DYNC1I1: variants seen among roughly 807,000 people sequenced by gnomAD.
DYNC1I1 encodes dynein cytoplasmic 1 intermediate chain 1.
Under a neutral mutation model 86.6 loss-of-function variants are expected in DYNC1I1, and 43 were observed. The ratio of observed to expected loss-of-function variants is 0.50; its 90% CI spans 0.39 to 0.64. The LOEUF is 0.64. Ranked by LOEUF, DYNC1I1 falls within the 30% of genes least tolerant of loss-of-function variation. The pLI, the probability that DYNC1I1 is intolerant of heterozygous loss-of-function variation, is 0.00. For missense variants in DYNC1I1, 604 were observed against 788.8 expected (o/e 0.77, Z 2.81); for synonymous variants, 262 against 283.7 (o/e 0.92, Z 0.77).
At chr7:96,088,207 T>C (rs1458038134) in intron 16 of DYNC1I1, among the ~76,000 whole-genome samples, 1 of 152,170 alleles carries the variant, frequency 6.6e-6, no homozygotes, top group Non-Finnish European at 1.5e-5. Flanking sequence ...GCAAATGTTT[T>C]TTCTGAATTG....
chr7:95,787,852 G>T (rs1434060533), intron 1 of DYNC1I1, among the ~76,000 whole-genome samples: 1 of 152,154 alleles, frequency 6.6e-6, no homozygotes, highest in Non-Finnish European at 1.5e-5. Context: ...AAATAGAATG[G>T]TCAAGTAAGA....
chr7:95,923,294 A>G (rs1334879143), intron 6 of DYNC1I1, among the ~76,000 whole-genome samples: 1 of 152,138 alleles, frequency 6.6e-6, no homozygotes, highest in Non-Finnish European at 1.5e-5. Context: ...GACTTATTCA[A>G]TGTGAAAACC....
intron 6 of DYNC1I1, among the ~76,000 whole-genome samples, chr7:95,928,030 C>T (rs1285027708): frequency 6.6e-6 from 1 of 152,226 alleles, no homozygotes; most frequent in East Asian, 1.9e-4. Flanking sequence ...CTGCCAGCCA[C>T]ACTTGGCCTG....
chr7:95,859,626 G>A (rs1315953348), intron 5 of DYNC1I1, among the ~76,000 whole-genome samples: 2 of 152,198 alleles, frequency 1.3e-5, no homozygotes, highest in Non-Finnish European at 1.5e-5. Flanking sequence ...AAGCCTGCCT[G>A]CCACTGAGAG....
At chr7:95,982,508 A>G (rs1334841634) in intron 7 of DYNC1I1, among the ~76,000 whole-genome samples, 8 of 152,194 alleles carry the variant, frequency 5.3e-5, no homozygotes, top group Admixed American at 5.2e-4. Context: ...GAAAAAAATT[A>G]CAGAAAATTA....
At chr7:95,995,858 G>T (rs1013649045) in intron 9 of DYNC1I1, 90 bp from the exon 10 acceptor site, 1 of 1,498,936 alleles carries the variant, frequency 6.7e-7, no homozygotes, top group African/African-American at 1.4e-5. Context: ...CATTTACACT[G>T]TGTAGTATAC....
At chr7:96,067,657 C>T (rs1790034878) in intron 14 of DYNC1I1, among the ~76,000 whole-genome samples, 1 of 152,124 alleles carries the variant, frequency 6.6e-6, no homozygotes, top group Non-Finnish European at 1.5e-5. Flanking sequence ...AATATTTATG[C>T]AGACGTGTGA....
chr7:96,017,990 A>T (rs975938527), intron 10 of DYNC1I1, among the ~76,000 whole-genome samples: 1 of 152,160 alleles, frequency 6.6e-6, no homozygotes, highest in Non-Finnish European at 1.5e-5. Context: ...CCTCATAGTA[A>T]ATATCACCAC....
chr7:95,981,886 G>A (rs2115666354), intron 7 of DYNC1I1, among the ~76,000 whole-genome samples: 1 of 152,260 alleles, frequency 6.6e-6, no homozygotes, highest in Non-Finnish European at 1.5e-5. Flanking sequence ...ATAGGGAAAA[G>A]CTGTAGAAAC....
intron 6 of DYNC1I1, among the ~76,000 whole-genome samples, chr7:95,943,945 A>G (rs1178689599): frequency 6.6e-6 from 1 of 152,146 alleles, no homozygotes; most frequent in Non-Finnish European, 1.5e-5. Flanking sequence ...AGGCATTAAC[A>G]TTCAGGACAT....
At chr7:95,793,563 C>A (rs1321891598) in intron 1 of DYNC1I1, among the ~76,000 whole-genome samples, 1 of 152,082 alleles carries the variant, frequency 6.6e-6, no homozygotes, top group African/African-American at 2.4e-5. Flanking sequence ...AGAGCAACAG[C>A]AGTTTAGAAT....
chr7:95,998,523 C>A (rs985909176), intron 10 of DYNC1I1, among the ~76,000 whole-genome samples: 8 of 152,066 alleles, frequency 5.3e-5, no homozygotes, highest in Non-Finnish European at 1.2e-4. Flanking sequence ...CCTATCTGAT[C>A]TTTGCTAAAT....
intron 10 of DYNC1I1, among the ~76,000 whole-genome samples, chr7:96,001,999 C>T (rs1197312036): frequency 1.3e-5 from 2 of 152,136 alleles, no homozygotes; most frequent in Non-Finnish European, 2.9e-5. Context: ...TTTTATTTTT[C>T]TTGCTAGGAT....
intron 7 of DYNC1I1, 149 bp downstream of exon 7, chr7:95,977,750 G>A (rs1793346066): frequency 5.0e-6 from 3 of 605,654 alleles, no homozygotes; most frequent in African/African-American, 1.9e-5. Context: ...ATTACATTTA[G>A]CAACATAAAC....
intron 10 of DYNC1I1, among the ~76,000 whole-genome samples, chr7:96,005,734 G>A (rs1301978059): frequency 1.3e-5 from 2 of 152,164 alleles, no homozygotes; most frequent in African/African-American, 4.8e-5. Context: ...ATTGCCACTG[G>A]AAGAACGCTC....
chr7:96,005,943 T>C (rs1011870171), intron 10 of DYNC1I1, among the ~76,000 whole-genome samples: 6 of 152,178 alleles, frequency 3.9e-5, no homozygotes, highest in Non-Finnish European at 8.8e-5. Flanking sequence ...GAACTGTAGC[T>C]TTTAATGGCT....
intron 10 of DYNC1I1, among the ~76,000 whole-genome samples, chr7:96,011,576 C>A (rs562433604): frequency 9.7e-4 from 148 of 152,266 alleles, no homozygotes; most frequent in Non-Finnish European, 1.4e-3. Context: ...CAAGCCCACA[C>A]AGAAATATTC....
In DYNC1I1 at chr7:96,004,223, G is replaced by A. The variant is rs57972857; in HGVS notation, c.969+8150G>A. 1.7e-3 allele frequency among the ~76,000 whole-genome samples: 261 copies of A among 152,130 alleles called. 1 individual carries two copies. Among genetic ancestry groups the A allele is most frequent in the African/African-American group, 6.0e-3 (250 of 41,500 alleles). Reference sequence around the variant, plus strand: ...TATATCCGATTGTTTACTTTTAAATGGTATGTTCATTATTTGCCAAAGACT... The same window carrying A: ...TATATCCGATTGTTTACTTTTAAATAGTATGTTCATTATTTGCCAAAGACT... On this transcript the variant is annotated intron_variant, in intron 10 of 16. Coordinates refer to ENST00000447467, the MANE Select transcript of DYNC1I1 (RefSeq NM_001135556.2).
At chr7:95,907,567 C>T (rs1042395851) in intron 6 of DYNC1I1, among the ~76,000 whole-genome samples, 1 of 152,030 alleles carries the variant, frequency 6.6e-6, no homozygotes, top group Non-Finnish European at 1.5e-5. Flanking sequence ...AGTGACATTC[C>T]CTCTGCTGTT....
Sources: allele counts gnomAD v4.1 joint callset (sites outside exome capture counted in the v4.1 genomes callset), GRCh38; gene constraint gnomAD v4.1.1; transcripts MANE v1.5; gene names NCBI Gene and HGNC (gene_info 2026-07-23, HGNC 2026-07-21).